The following PAK3 variants were observed in gnomAD, a reference collection of about 807,000 sequenced individuals.
PAK3 encodes p21 (RAC1) activated kinase 3, also known as serine/threonine-protein kinase PAK 3.
In PAK3, 4 loss-of-function variants were observed where a neutral mutation model predicts 41.0. The observed-to-expected ratio is 0.10, with a 90% CI of 0.05 to 0.22. The LOEUF is 0.22. Ranked by LOEUF, PAK3 falls within the 10% of genes least tolerant of loss-of-function variation. The probability of loss-of-function intolerance (pLI) is 1.00; values close to 1 mark genes in which losing one functional copy is unlikely to be tolerated. For synonymous variants in PAK3, 146 were observed against 139.6 expected (o/e 1.05, Z -0.32); for missense variants, 205 against 409.9 (o/e 0.50, Z 4.32).
intron 13 of PAK3, among the ~76,000 whole-genome samples, chrX:111,193,765 CA>C (rs199772612): frequency 0.1 from 10,682 of 105,483 alleles, 1,596 homozygotes; most frequent in African/African-American, 0.36. Context: ...AAACAAAAAA[CA>C]AAAAACAAAA....
At chrX:111,172,927 A>G (rs2094362440) in intron 10 of PAK3, 91 bp from the exon 11 acceptor site, 1 of 566,350 alleles carries the variant, frequency 1.8e-6, no homozygotes, top group Non-Finnish European at 3.1e-6. Context: ...TCATTATTAA[A>G]TTAAAAAACA....
rs987623942 is a variant in PAK3 at position 111,192,253 on chromosome X, G to A, written c.879+78G>A. The A allele has an allele frequency of 7.2e-5, 49 of 677,885 alleles. 1 individual carries two copies. Among genetic ancestry groups the A allele is most frequent in the African/African-American group, 6.6e-5 (3 of 45,651 alleles). 55.9% of individuals were successfully genotyped at this position (677,885 alleles called of 1,213,427 possible). On this transcript the variant is annotated intron_variant, in intron 12 of 17. Transcript: ENST00000372007. ...AGTTATCTTCTTCGATGGCAACTTC[G>A]CCTAAAAAAAAAATGGGTAGCACTG... is the stretch of plus-strand genomic sequence containing the variant.
At chrX:111,120,560 G>A (rs909198496) in intron 4 of PAK3, among the ~76,000 whole-genome samples, 19 of 111,592 alleles carry the variant, frequency 1.7e-4, no homozygotes, top group African/African-American at 6.2e-4. Flanking sequence ...GTCTTATCAC[G>A]CAAGATCAGC....
intron 11 of PAK3, among the ~76,000 whole-genome samples, chrX:111,179,534 C>T (rs1364845377): frequency 9.0e-6 from 1 of 111,295 alleles, no homozygotes; most frequent in Non-Finnish European, 1.9e-5. Context: ...TTAATAAAAT[C>T]ACAATGCCAT....
chrX:111,159,809 T>C (rs1042547698), intron 8 of PAK3, among the ~76,000 whole-genome samples: 1 of 112,168 alleles, frequency 8.9e-6, no homozygotes, highest in African/African-American at 3.2e-5. Flanking sequence ...TCAGTAAACA[T>C]ACAAACTTCA....
rs2094933137 is a variant in PAK3 at position 111,222,537 on chromosome X, T to A, written c.*2090T>A. 1 of 112,553 alleles carries A rather than the reference T, an allele frequency of 8.9e-6. No individual in the cohort carries two copies. The highest frequency in any genetic ancestry group is 3.2e-5 in the African/African-American group (1 of 30,998). The allele number at this position is 112,553 out of a possible 1,213,427, so 9.3% of individuals were successfully genotyped here. The stretch of plus-strand genomic sequence containing the variant: ...ACGAATCTGGGCCTGTAATTTTTAA[T>A]GCCACACTGCTCTAATGAGAGAGAG... On this transcript the variant is annotated 3_prime_UTR_variant, in exon 18 of 18. Coordinates refer to ENST00000372007, the MANE Select transcript of PAK3 (RefSeq NM_002578.5).
At chrX:111,023,597 G>C (rs1430170188) in intron 1 of PAK3, among the ~76,000 whole-genome samples, 2 of 112,287 alleles carry the variant, frequency 1.8e-5, no homozygotes, top group African/African-American at 6.5e-5. Flanking sequence ...ACAGGCATGA[G>C]ATAGTATCTC....
chrX:110,984,146 C>T (rs2091498289), intron 1 of PAK3, among the ~76,000 whole-genome samples: 1 of 111,839 alleles, frequency 8.9e-6, no homozygotes, highest in Non-Finnish European at 1.9e-5. Context: ...ACAAGGGCAC[C>T]ATAGCTATGG....
intron 1 of PAK3, among the ~76,000 whole-genome samples, chrX:111,069,486 T>A (rs1222833854): frequency 8.9e-6 from 1 of 111,779 alleles, no homozygotes; most frequent in African/African-American, 3.3e-5. Flanking sequence ...TATTACCTTC[T>A]ATATTACTAT....
rs1490125818 is a variant in PAK3, at chrX:111,045,774, G to T, written c.-27-77303G>T. On this transcript the variant is annotated intron_variant, in intron 1 of 14. Transcript: ENST00000425146. ...CAGAATTCTAGGAAACTGCTTCCAT[G>T]GCTGATTTCACTCCACCACACCTGC... is the stretch of plus-strand genomic sequence containing the variant. Among the ~76,000 whole-genome samples the T allele has an allele frequency of 2.7e-5, 3 of 111,365 alleles. No individual in the cohort carries two copies. In the Admixed American group the frequency reaches 2.9e-4, roughly 11 times the overall value.
At chrX:111,051,177 T>TG (rs1489074004) in intron 1 of PAK3, among the ~76,000 whole-genome samples, 1 of 111,591 alleles carries the variant, frequency 9.0e-6, no homozygotes, top group Non-Finnish European at 1.9e-5. Flanking sequence ...CAACTCCTGT[T>TG]GGGGGAAAAA....
At chrX:111,217,902 T>A (rs2094896161) in intron 17 of PAK3, among the ~76,000 whole-genome samples, 1 of 112,666 alleles carries the variant, frequency 8.9e-6, no homozygotes, top group African/African-American at 3.2e-5. Context: ...TCCAGATAAA[T>A]GTGGCTATCC....
chrX:111,182,829 T>C (rs754822728), intron 11 of PAK3, among the ~76,000 whole-genome samples: 47 of 111,594 alleles, frequency 4.2e-4, no homozygotes, highest in Admixed American at 1.6e-3. Flanking sequence ...CTAACAGCAG[T>C]TCATTTTCAG....
chrX:111,027,767 T>C (rs2092290498), intron 1 of PAK3, among the ~76,000 whole-genome samples: 1 of 110,205 alleles, frequency 9.1e-6, no homozygotes, highest in Admixed American at 9.8e-5. Context: ...GAAGATTCCT[T>C]AAAGAAGTAA....
chrX:111,193,309 A>T (rs1407251467), intron 13 of PAK3, among the ~76,000 whole-genome samples: 1 of 109,364 alleles, frequency 9.1e-6, no homozygotes, highest in Non-Finnish European at 1.9e-5. Flanking sequence ...CAGAAGAAGG[A>T]AAAACTGGGA....
rs1273819937 is a variant in PAK3, at chrX:111,147,313, C to T, written c.277-424C>T. The stretch of plus-strand genomic sequence containing the variant: ...ATTCTGATTACAACATGACCAGAAA[C>T]AGCTTGTTATTCCAGTCATAAAATC... On this transcript the variant is annotated intron_variant, in intron 6 of 17. Transcript: ENST00000372007. 5.4e-5 allele frequency among the ~76,000 whole-genome samples: 6 copies of T among 111,477 alleles called. No homozygotes were observed. In the East Asian group the frequency reaches 1.7e-3, roughly 31 times the overall value.
In PAK3 at chrX:111,221,762, G is replaced by A. The variant is rs1255154014; in HGVS notation, c.*1315G>A. On this transcript the variant is annotated 3_prime_UTR_variant, in exon 18 of 18. Coordinates refer to ENST00000372007, the MANE Select transcript of PAK3 (RefSeq NM_002578.5). ...CCTATGTATCACCTATTTCTGTTTC[G>A]GAATATGGTGTGTTCATGCTTAGTT... 2 of 111,014 alleles carry A rather than the reference G, an allele frequency of 1.8e-5. No individual in the cohort carries two copies. Among genetic ancestry groups the A allele is most frequent in the African/African-American group, 3.3e-5 (1 of 30,531 alleles). The allele number at this position is 111,014 out of a possible 1,213,427, so 9.1% of individuals were successfully genotyped here. A position where few individuals can be genotyped will look rare whatever the true frequency, so the allele number is the denominator to read the frequency against.
At chrX:111,067,147 T>C (rs1295116317) in intron 1 of PAK3, among the ~76,000 whole-genome samples, 1 of 111,897 alleles carries the variant, frequency 8.9e-6, no homozygotes, top group Non-Finnish European at 1.9e-5. Flanking sequence ...CCTTATTCTC[T>C]TATTTTTAAA....
chrX:111,090,522 T>C (rs1249015084), intron 1 of PAK3, among the ~76,000 whole-genome samples: 1 of 112,086 alleles, frequency 8.9e-6, no homozygotes, highest in Non-Finnish European at 1.9e-5. Flanking sequence ...AGAAATGTTC[T>C]ATTGCTCACC....
Sources: allele counts gnomAD v4.1 joint callset (sites outside exome capture counted in the v4.1 genomes callset), GRCh38; gene constraint gnomAD v4.1.1; transcripts MANE v1.5; gene names NCBI Gene and HGNC (gene_info 2026-07-23, HGNC 2026-07-21).